SCFD2: variants seen among roughly 807,000 people sequenced by gnomAD.
The protein encoded by SCFD2 is sec1 family domain-containing protein 2.
In SCFD2, 54 loss-of-function variants were observed where a neutral mutation model predicts 58.9. The observed-to-expected ratio is 0.92, with a 90% CI of 0.74 to 1.15. SCFD2 has a LOEUF of 1.15. Ranked by LOEUF, SCFD2 falls within the 50% of genes most tolerant of loss-of-function variation. The pLI, the probability that SCFD2 is intolerant of heterozygous loss-of-function variation, is 0.00. For synonymous variants in SCFD2, 321 were observed against 335.9 expected (o/e 0.96, Z 0.49); for missense variants, 805 against 836.6 (o/e 0.96, Z 0.47).
chr4:53,109,225 T>C (rs1725095774), intron 5 of SCFD2, among the ~76,000 whole-genome samples: 1 of 152,168 alleles, frequency 6.6e-6, no homozygotes, highest in Admixed American at 6.5e-5. Flanking sequence ...CTCAAAATAA[T>C]GAGAGCTATC....
intron 3 of SCFD2, among the ~76,000 whole-genome samples, chr4:53,298,973 G>A (rs1453359206): frequency 7.2e-5 from 11 of 152,124 alleles, no homozygotes; most frequent in Non-Finnish European, 1.5e-5. Context: ...ACCAAAGGAA[G>A]ATAAAACCAC....
intron 2 of SCFD2, among the ~76,000 whole-genome samples, chr4:53,317,304 T>TA (rs1732895749): frequency 6.6e-6 from 1 of 152,102 alleles, no homozygotes; most frequent in African/African-American, 2.4e-5. Flanking sequence ...AAGTCATACT[T>TA]ACTGGTATTT....
intron 4 of SCFD2, among the ~76,000 whole-genome samples, chr4:53,167,375 A>T (rs1023995713): frequency 1.3e-5 from 2 of 152,228 alleles, no homozygotes; most frequent in Admixed American, 6.5e-5. Context: ...TGTCCAAAGC[A>T]CGTGACTCAT....
intron 5 of SCFD2, among the ~76,000 whole-genome samples, chr4:53,022,037 G>A (rs1353981889): frequency 6.6e-6 from 1 of 152,160 alleles, no homozygotes; most frequent in Non-Finnish European, 1.5e-5. Flanking sequence ...GATGGTAAAT[G>A]CCAATGGGGA....
intron 5 of SCFD2, among the ~76,000 whole-genome samples, chr4:53,125,941 G>A (rs558253646): frequency 1.3e-5 from 2 of 152,282 alleles, no homozygotes. Context: ...GCTGGCTGAG[G>A]ACAGATTTGT....
At chr4:53,211,669 C>T (rs906866832) in intron 4 of SCFD2, among the ~76,000 whole-genome samples, 3 of 152,058 alleles carry the variant, frequency 2.0e-5, no homozygotes, top group African/African-American at 4.8e-5. Context: ...GTGTCCGCTG[C>T]TTTGTGTGTG....
chr4:53,122,982 T>G (rs1449995250), intron 5 of SCFD2, among the ~76,000 whole-genome samples: 1 of 152,200 alleles, frequency 6.6e-6, no homozygotes, highest in Admixed American at 6.5e-5. Flanking sequence ...GGCTTATTTC[T>G]GAACTGTGAG....
intron 2 of SCFD2, among the ~76,000 whole-genome samples, chr4:53,350,037 T>C (rs374576573): frequency 2.0e-5 from 3 of 152,316 alleles, no homozygotes; most frequent in African/African-American, 7.2e-5. Flanking sequence ...CATAGAGATA[T>C]TGTGAGAAGT....
At position 53,253,459 on chromosome 4, in the gene SCFD2, A is replaced by G. The variant is rs1041941518; in HGVS notation, c.1311+20367T>C. On this transcript the variant is annotated intron_variant, in intron 4 of 8. Coordinates refer to ENST00000401642, the MANE Select transcript of SCFD2 (RefSeq NM_152540.4). ...GCACACGTATGTTTATTGCAGCACT[A>G]TTCACAATAGCAAAGACTTGAAACC... 4.5e-4 allele frequency among the ~76,000 whole-genome samples: 69 copies of G among 152,150 alleles called. 1 individual carries two copies. The highest frequency in any genetic ancestry group is 1.0e-4 in the Non-Finnish European group (7 of 68,024).
At chr4:53,258,538 GTATATATATA>G (rs59321045) in intron 4 of SCFD2, among the ~76,000 whole-genome samples, 2,594 of 119,954 alleles carry the variant, frequency 0.022, 133 homozygotes, top group African/African-American at 0.077. Context: ...TGGTGTGTGT[GTATATATATA>G]TATATATATA....
intron 4 of SCFD2, among the ~76,000 whole-genome samples, chr4:53,224,928 C>A (rs538465901): frequency 6.6e-6 from 1 of 151,990 alleles, no homozygotes; most frequent in Non-Finnish European, 1.5e-5. Context: ...TGAGAATAAA[C>A]TCTCTTCTAT....
At chr4:53,238,829 T>C (rs1230483950) in intron 4 of SCFD2, among the ~76,000 whole-genome samples, 1 of 145,520 alleles carries the variant, frequency 6.9e-6, no homozygotes, top group Non-Finnish European at 1.5e-5. Context: ...TGCTCCTCAC[T>C]TCCTAGGTGG....
intron 4 of SCFD2, among the ~76,000 whole-genome samples, chr4:53,171,978 TTTA>T (rs1347666272): frequency 6.7e-6 from 1 of 149,608 alleles, no homozygotes; most frequent in Non-Finnish European, 1.5e-5. Context: ...TTTATTTATT[TTTA>T]TTTTTATTTT....
chr4:52,956,363 C>G (rs1254604767), intron 5 of SCFD2: 1 of 380,260 alleles, frequency 2.6e-6, no homozygotes, highest in Non-Finnish European at 5.2e-6. Flanking sequence ...CTTTTTATGG[C>G]AAGTGACAGA....
At chr4:53,123,843 A>G (rs914348577) in intron 5 of SCFD2, among the ~76,000 whole-genome samples, 25 of 152,196 alleles carry the variant, frequency 1.6e-4, no homozygotes, top group African/African-American at 5.8e-4. Flanking sequence ...CAGCTTTCTG[A>G]TTCAGTAGGT....
At chr4:53,289,549 T>G (rs1416604875) in intron 3 of SCFD2, among the ~76,000 whole-genome samples, 1 of 151,534 alleles carries the variant, frequency 6.6e-6, no homozygotes, top group Non-Finnish European at 1.5e-5. Context: ...AAGCAAACAA[T>G]AAGAGAAGAG....
intron 4 of SCFD2, among the ~76,000 whole-genome samples, chr4:53,156,940 T>TA (rs1219286597): frequency 6.6e-6 from 1 of 152,212 alleles, no homozygotes; most frequent in Non-Finnish European, 1.5e-5. Context: ...ACATAGAAGT[T>TA]ACAATTTTTA....
chr4:53,223,121 A>G (rs1192170871), intron 4 of SCFD2, among the ~76,000 whole-genome samples: 3 of 152,204 alleles, frequency 2.0e-5, no homozygotes, highest in Non-Finnish European at 4.4e-5. Context: ...TCTGAAAAAA[A>G]TATATAAATC....
intron 4 of SCFD2, among the ~76,000 whole-genome samples, chr4:53,256,885 A>G (rs1001307452): frequency 1.4e-4 from 9 of 63,694 alleles, no homozygotes; most frequent in Non-Finnish European, 2.0e-4. Context: ...CCGTGGGGAG[A>G]GGGAGAGGGA....
Sources: gnomAD v4.1 joint callset for allele counts (sites outside exome capture counted in the v4.1 genomes callset) on GRCh38, gnomAD v4.1.1 for gene constraint, MANE v1.5 for transcripts, NCBI Gene and HGNC (gene_info 2026-07-23, HGNC 2026-07-21) for gene names.